Variants in ASXL2 observed in about 807,000 individuals in gnomAD.
The protein encoded by ASXL2 is ASXL transcriptional regulator 2.
A neutral mutation model predicts 122.0 loss-of-function variants in ASXL2; 23 were observed. The ratio of observed to expected loss-of-function variants is 0.19; its 90% CI spans 0.14 to 0.27. The LOEUF (loss-of-function observed/expected upper bound fraction) is 0.27, where lower values mean the gene tolerates loss of function less well. Among genes scored for constraint, ASXL2 ranks in the 10% least tolerant of loss-of-function variants. The pLI is 1.00. For missense variants in ASXL2, 1,518 were observed against 1,713.8 expected (o/e 0.89, Z 2.02); for synonymous variants, 650 against 637.0 (o/e 1.02, Z -0.31).
chr2:25,789,605 T>C (rs192612293), intron 5 of ASXL2, among the ~76,000 whole-genome samples: 6 of 152,274 alleles, frequency 3.9e-5, no homozygotes, highest in African/African-American at 1.2e-4. Context: ...AAGCTGATCA[T>C]TCCAAATCAG....
chr2:25,854,807 G>A (rs1018423856), intron 1 of ASXL2, among the ~76,000 whole-genome samples: 5 of 152,100 alleles, frequency 3.3e-5, no homozygotes, highest in East Asian at 1.9e-4. Context: ...ATATTAATAC[G>A]GCCTTGGAAC....
chr2:25,783,671 G>C (rs1196631957), intron 5 of ASXL2, among the ~76,000 whole-genome samples: 1 of 151,968 alleles, frequency 6.6e-6, no homozygotes, highest in East Asian at 1.9e-4. Context: ...GCTCACACCT[G>C]TAATCCCAGT....
At chr2:25,799,260 CAGGACTGTTATAGAG>C in intron 5 of ASXL2, 110 bp downstream of exon 5, 1 of 1,307,192 alleles carries the variant, frequency 7.6e-7, no homozygotes, top group South Asian at 1.3e-5. Flanking sequence ...CTCTCCTTGA[CAGGACTGTTATAGAG>C]GGTAAGGGAA....
At chr2:25,807,986 T>TAAACACACACACACAC (rs368346154) in intron 3 of ASXL2, among the ~76,000 whole-genome samples, 8 of 131,728 alleles carry the variant, frequency 6.1e-5, no homozygotes, top group African/African-American at 2.3e-4. Context: ...AATCAGCTTT[T>TAAACACACACACACAC]ACACACACAC....
At position 25,799,516 on chromosome 2, in the gene ASXL2, A is replaced by G; in HGVS notation, c.272T>C (p.Val91Ala). The G allele has an allele frequency of 6.2e-7, 1 of 1,613,352 alleles. No individual in the cohort carries two copies. The highest frequency in any genetic ancestry group is 1.3e-5 in the African/African-American group (1 of 74,978). Residue 91 changes from valine to alanine, a missense_variant, in exon 5 of 13, where the codon GTG (valine) becomes GCG (alanine). Val to Ala is a moderately conservative substitution (Grantham distance 64). This residue lies in a region of ASXL2 where 198 missense variants were observed against 209.0 expected (regional missense o/e 0.95). Transcript: ENST00000435504. Reference protein sequence around the residue: ...YTLKKDVPDGVKELSEGSEES... With the variant: ...YTLKKDVPDGAKELSEGSEES... ...TTCTGAACCTTCTGACAGCTCTTTC[A>G]CCCCATCCGGCACATCTTTCTGAAA...
chr2:25,742,387 T>C lies in ASXL2; in HGVS notation c.3950A>G (p.Tyr1317Cys). ...TGGCCCTATCTGGGTGGGGCTTCCATACAACTTCGGGGTTTGCAGGGGTGG... is the reference window on the plus strand; with the variant it reads ...TGGCCCTATCTGGGTGGGGCTTCCACACAACTTCGGGGTTTGCAGGGGTGG... Reference protein sequence around the residue: ...LLPPLQTPKLYGSPTQIGPSY... With the variant: ...LLPPLQTPKLCGSPTQIGPSY... The change falls in exon 13 of 13, where the codon TAT (tyrosine) becomes TGT (cysteine). Residue 1317 changes from tyrosine (Y) to cysteine (C), a missense_variant. Tyr to Cys is a radical substitution (Grantham distance 194). This residue lies in a region of ASXL2 where 831 missense variants were observed against 833.1 expected (regional missense o/e 1.00). Coordinates refer to ENST00000435504, the MANE Select transcript of ASXL2 (RefSeq NM_018263.6). 1 of 1,322,526 alleles carries C rather than the reference T, an allele frequency of 7.6e-7. No homozygotes were observed. The highest frequency in any genetic ancestry group is 1.8e-5 in the African/African-American group (1 of 56,216). The allele number at this position is 1,322,526 out of a possible 1,614,324, so 81.9% of individuals were successfully genotyped here.
chr2:25,821,464 T>C (rs1055200521), intron 3 of ASXL2, among the ~76,000 whole-genome samples: 1 of 151,794 alleles, frequency 6.6e-6, no homozygotes, highest in Non-Finnish European at 1.5e-5. Flanking sequence ...ATAAAGTTGT[T>C]TTTAAAAAAA....
intron 1 of ASXL2, among the ~76,000 whole-genome samples, chr2:25,867,320 G>T (rs1451984838): frequency 6.6e-6 from 1 of 152,112 alleles, no homozygotes; most frequent in East Asian, 1.9e-4. Flanking sequence ...TCGCAGAAAA[G>T]TAGAAGGCCA....
At chr2:25,802,967 C>A (rs1032559283) in intron 4 of ASXL2, among the ~76,000 whole-genome samples, 4 of 152,122 alleles carry the variant, frequency 2.6e-5, no homozygotes, top group Non-Finnish European at 5.9e-5. Context: ...CCTGTCTCTA[C>A]TAAAAATACA....
intron 5 of ASXL2, among the ~76,000 whole-genome samples, chr2:25,783,756 T>C (rs903683766): frequency 3.3e-5 from 5 of 151,622 alleles, no homozygotes; most frequent in Admixed American, 6.6e-5. Flanking sequence ...ATCTTGTCTA[T>C]GTAAAAAAAA....
chr2:25,832,848 C>T (rs1325784161), intron 3 of ASXL2, among the ~76,000 whole-genome samples: 2 of 152,022 alleles, frequency 1.3e-5, no homozygotes, highest in African/African-American at 2.4e-5. Context: ...GAATACTACT[C>T]GGCAATAAAA....
chr2:25,760,477 A>G (rs958978317), intron 8 of ASXL2, among the ~76,000 whole-genome samples: 1 of 152,220 alleles, frequency 6.6e-6, no homozygotes, highest in African/African-American at 2.4e-5. Flanking sequence ...AGGGGGAAAA[A>G]GCAAAAAGCA....
chr2:25,775,753 T>C (rs909392208), intron 5 of ASXL2, among the ~76,000 whole-genome samples: 3 of 152,228 alleles, frequency 2.0e-5, no homozygotes, highest in African/African-American at 7.2e-5. Flanking sequence ...TCTCAGGTAT[T>C]TATAGCAGTG....
At position 25,744,005 on chromosome 2, in the gene ASXL2, G is replaced by C. The variant is rs199523020; in HGVS notation, c.2332C>G (p.Pro778Ala). The part of the protein sequence containing the change: ...VSGAQLQQTP[P>A]VPPTPAVSGA... The stretch of plus-strand genomic sequence containing the variant: ...CTGACGGCAGGTGTTGGAGGCACTG[G>C]GGGGGTTTGCTGTAGTTGTGCTCCA... The change falls in exon 13 of 13, where the codon CCA becomes GCA. Residue 778 changes from proline to alanine, a missense_variant. Physicochemically the swap from Pro to Ala is conservative, Grantham distance 27. Around this residue, in one of 8 missense-constraint regions of ASXL2, gnomAD observed 831 missense variants for 833.1 expected, o/e 1.00. Coordinates refer to ENST00000435504, the MANE Select transcript of ASXL2 (RefSeq NM_018263.6). The surrounding 1 kb of genome is among the most constrained non-coding windows in gnomAD (Gnocchi z 4.7). 241 of 1,613,972 alleles carry C rather than the reference G, an allele frequency of 1.5e-4. No individual in the cohort carries two copies. In the African/African-American group the frequency reaches 2.7e-3, roughly 18 times the overall value.
intron 5 of ASXL2, among the ~76,000 whole-genome samples, chr2:25,779,613 A>T (rs1468068015): frequency 6.6e-6 from 1 of 152,184 alleles, no homozygotes; most frequent in African/African-American, 2.4e-5. Context: ...CCCATACCTA[A>T]GCTACATCTC....
chr2:25,750,517 T>C, intron 11 of ASXL2, 104 bp from the exon 12 acceptor site: 2 of 995,850 alleles, frequency 2.0e-6, no homozygotes, highest in Non-Finnish European at 1.5e-6. Context: ...GGAGAACCCC[T>C]GACACAGCAG....
chr2:25,758,591 C>CTT (rs1428611698), intron 9 of ASXL2, among the ~76,000 whole-genome samples: 2 of 151,758 alleles, frequency 1.3e-5, no homozygotes, highest in African/African-American at 4.8e-5. Flanking sequence ...CAGACCTTTT[C>CTT]TTTATTCCTG....
intron 7 of ASXL2, among the ~76,000 whole-genome samples, chr2:25,768,321 G>C (rs1279228679): frequency 1.3e-5 from 2 of 150,726 alleles, no homozygotes; most frequent in African/African-American, 4.9e-5. Flanking sequence ...ATTTTTTTTT[G>C]GAAACAGTGT....
chr2:25,800,121 C>G (rs2088973353), intron 4 of ASXL2, among the ~76,000 whole-genome samples: 1 of 151,952 alleles, frequency 6.6e-6, no homozygotes, highest in African/African-American at 2.4e-5. Flanking sequence ...TGGTGAAACC[C>G]CACCTCTACA....
Sources: gnomAD v4.1 joint callset for allele counts (sites outside exome capture counted in the v4.1 genomes callset) on GRCh38, gnomAD v4.1.1 for gene constraint, gnomAD v4.1.1 regional missense constraint, Gnocchi (gnomAD v3.1) non-coding constraint, MANE v1.5 for transcripts, NCBI Gene and HGNC (gene_info 2026-07-23, HGNC 2026-07-21) for gene names.